Variants in ARHGEF3 observed in about 807,000 individuals in gnomAD.
The protein encoded by ARHGEF3 is 59.8 kDA protein.
In ARHGEF3, 28 loss-of-function variants were observed where a neutral mutation model predicts 63.2. That is an observed-to-expected ratio of 0.44 (90% confidence interval 0.33 to 0.61). ARHGEF3 has a LOEUF of 0.61. Among genes scored for constraint, ARHGEF3 ranks in the 20% least tolerant of loss-of-function variants. The probability of loss-of-function intolerance (pLI) is 0.03; values close to 1 mark genes in which losing one functional copy is unlikely to be tolerated. For missense variants in ARHGEF3, 533 were observed against 659.3 expected (o/e 0.81, Z 2.10); for synonymous variants, 266 against 254.2 (o/e 1.05, Z -0.44).
At chr3:56,899,050 C>T (rs1041550220) in intron 3 of ARHGEF3, among the ~76,000 whole-genome samples, 4 of 152,090 alleles carry the variant, frequency 2.6e-5, no homozygotes, top group Admixed American at 1.3e-4. Context: ...GAGACTCCGT[C>T]CCAAAAACAA....
intron 2 of ARHGEF3, among the ~76,000 whole-genome samples, chr3:56,770,197 A>C (rs2035929152): frequency 3.3e-5 from 5 of 152,082 alleles, no homozygotes; most frequent in Admixed American, 2.6e-4. Context: ...GGATTACCTA[A>C]GGTCAGGAGT....
At chr3:57,040,848 T>A (rs1481026563) in intron 1 of ARHGEF3, among the ~76,000 whole-genome samples, 1 of 152,020 alleles carries the variant, frequency 6.6e-6, no homozygotes, top group Admixed American at 6.6e-5. Context: ...CCCACCAGAC[T>A]GACCTGGAAC....
At chr3:57,000,729 C>T (rs1029961769) in intron 2 of ARHGEF3, among the ~76,000 whole-genome samples, 10 of 152,142 alleles carry the variant, frequency 6.6e-5, no homozygotes, top group Admixed American at 2.0e-4. Flanking sequence ...GATGGGGTTT[C>T]GCCATGTTGG....
chr3:57,071,023 G>C (rs11719697), intron 1 of ARHGEF3, among the ~76,000 whole-genome samples: 14,260 of 150,556 alleles, frequency 0.095, 909 homozygotes, highest in East Asian at 0.35. Context: ...GAAGGACAAA[G>C]TTGGAGGATT....
At chr3:56,730,552 AT>A (rs1054801721) in intron 9 of ARHGEF3, among the ~76,000 whole-genome samples, 1 of 151,316 alleles carries the variant, frequency 6.6e-6, no homozygotes. Context: ...TGATTTTTGT[AT>A]TTTTTTTAGT....
At chr3:56,745,066 T>C (rs2034292789) in intron 7 of ARHGEF3, 139 bp downstream of exon 7, 3 of 1,093,872 alleles carry the variant, frequency 2.7e-6, no homozygotes, top group Admixed American at 4.9e-5. Context: ...AAAACATGGT[T>C]GATGGCAGTG....
intron 2 of ARHGEF3, among the ~76,000 whole-genome samples, chr3:56,970,568 C>T (rs1473282170): frequency 6.6e-6 from 1 of 152,226 alleles, no homozygotes; most frequent in African/African-American, 2.4e-5. Context: ...TGTCCTCCCA[C>T]TCCCACTTCC....
intron 4 of ARHGEF3, among the ~76,000 whole-genome samples, chr3:56,813,986 T>A (rs1377433535): frequency 1.3e-5 from 2 of 152,218 alleles, no homozygotes; most frequent in Non-Finnish European, 2.9e-5. Context: ...GAAGCAGGAA[T>A]AATTGAGGCT....
At chr3:57,029,016 C>CACACACACACA (rs1579123404) in intron 2 of ARHGEF3, among the ~76,000 whole-genome samples, 5 of 150,908 alleles carry the variant, frequency 3.3e-5, no homozygotes, top group Non-Finnish European at 5.9e-5. Context: ...CACACACACA[C>CACACACACACA]CTCCCAAAAT....
intron 8 of ARHGEF3, among the ~76,000 whole-genome samples, chr3:56,735,161 G>C (rs2033516975): frequency 1.3e-5 from 2 of 152,156 alleles, no homozygotes; most frequent in African/African-American, 4.8e-5. Flanking sequence ...TTGGGTGCCT[G>C]TAATCCCAGC....
At chr3:57,049,340 G>T (rs1025348370) in intron 1 of ARHGEF3, among the ~76,000 whole-genome samples, 1 of 152,118 alleles carries the variant, frequency 6.6e-6, no homozygotes, top group Non-Finnish European at 1.5e-5. Context: ...CTGCACTCCA[G>T]CCTGGGCGAC....
intron 1 of ARHGEF3, among the ~76,000 whole-genome samples, chr3:56,781,915 A>G (rs1016798930): frequency 6.6e-6 from 1 of 152,136 alleles, no homozygotes; most frequent in African/African-American, 2.4e-5. Flanking sequence ...GGAGCTGGCA[A>G]GGAAGGAGCA....
intron 1 of ARHGEF3, among the ~76,000 whole-genome samples, chr3:56,792,859 C>T (rs539404165): frequency 7.3e-5 from 11 of 151,506 alleles, no homozygotes; most frequent in African/African-American, 1.7e-4. Flanking sequence ...TGCTATGTTG[C>T]GCAGGCTGGT....
chr3:56,736,024 A>G (rs950214067), intron 8 of ARHGEF3, among the ~76,000 whole-genome samples: 1 of 150,566 alleles, frequency 6.6e-6, no homozygotes, highest in Non-Finnish European at 1.5e-5. Flanking sequence ...CTCTCTCCCA[A>G]TGGCTATCTC....
At chr3:56,882,483 AACC>A (rs2108259484) in intron 3 of ARHGEF3, 1 of 698,082 alleles carries the variant, frequency 1.4e-6, no homozygotes, top group South Asian at 1.7e-5. Flanking sequence ...CAAAACCTTT[AACC>A]AAGCTATGTA....
intron 1 of ARHGEF3, chr3:57,073,477 A>T: frequency 1.6e-6 from 1 of 633,478 alleles, no homozygotes; most frequent in South Asian, 3.1e-5. Flanking sequence ...AGAAGCAAAG[A>T]TGTGAACATG....
chr3:56,952,347 A>C (rs1699851651), intron 3 of ARHGEF3, among the ~76,000 whole-genome samples: 1 of 152,198 alleles, frequency 6.6e-6, no homozygotes, highest in Non-Finnish European at 1.5e-5. Context: ...GAATTCTTCC[A>C]ACAGCCCAAA....
Position 56,906,975 on chromosome 3 carries a change from A to ATTTTT in ARHGEF3, c.130-24626_130-24622dup, listed in dbSNP as rs368006965. On this transcript the variant is annotated intron_variant, in intron 3 of 12. Coordinates refer to the ARHGEF3 transcript ENST00000338458. ...AAATCGCGATTGTGGCTCACATTCT[A>ATTTTT]TTTTTTTTTTTTTTTTTTTTTTTGA... Among the ~76,000 whole-genome samples the ATTTTT allele has an allele frequency of 2.2e-3, 161 of 72,096 alleles. 1 individual carries two copies. Among genetic ancestry groups the ATTTTT allele is most frequent in the Non-Finnish European group, 2.4e-3 (92 of 37,772 alleles). 47.3% of individuals were successfully genotyped at this position (72,096 alleles called of 152,430 possible). A position where few individuals can be genotyped will look rare whatever the true frequency, so the allele number is the denominator to read the frequency against.
At chr3:56,859,381 C>T (rs550337920) in intron 4 of ARHGEF3, among the ~76,000 whole-genome samples, 3 of 151,818 alleles carry the variant, frequency 2.0e-5, no homozygotes, top group East Asian at 2.0e-4. Context: ...CCTCGTGATC[C>T]GCCTACCTCG....
Sources: gnomAD v4.1 joint callset for allele counts (sites outside exome capture counted in the v4.1 genomes callset) on GRCh38, gnomAD v4.1.1 for gene constraint, MANE v1.5 for transcripts, NCBI Gene and HGNC (gene_info 2026-07-23, HGNC 2026-07-21) for gene names.